The following GABBR2 variants were observed in gnomAD, a reference collection of about 807,000 sequenced individuals.
The protein encoded by GABBR2 is gamma-aminobutyric acid type B receptor subunit 2, also known as G-protein coupled receptor 51.
Under a neutral mutation model 105.6 loss-of-function variants are expected in GABBR2, and 23 were observed. The observed-to-expected ratio is 0.22, with a 90% CI of 0.16 to 0.31. GABBR2 has a LOEUF of 0.31. Among genes scored for constraint, GABBR2 ranks in the 10% least tolerant of loss-of-function variants. The pLI is 1.00. For synonymous variants in GABBR2, 478 were observed against 499.7 expected, an observed-to-expected ratio of 0.96 and a Z score of 0.58; for missense variants, 734 against 1,245.5, an observed-to-expected ratio of 0.59 and a Z score of 6.18.
At chr9:98,652,929 A>G (rs975524985) in intron 1 of GABBR2, among the ~76,000 whole-genome samples, 1 of 152,228 alleles carries the variant, frequency 6.6e-6, no homozygotes, top group African/African-American at 2.4e-5. Flanking sequence ...CCCCATCTCC[A>G]GAGATACTGA....
At chr9:98,667,141 C>T (rs1408921373) in intron 1 of GABBR2, among the ~76,000 whole-genome samples, 1 of 152,166 alleles carries the variant, frequency 6.6e-6, no homozygotes, top group African/African-American at 2.4e-5. Context: ...AGCAGAGATG[C>T]TGGGGAATAT....
At chr9:98,587,268 C>G (rs983182639) in intron 1 of GABBR2, among the ~76,000 whole-genome samples, 1 of 152,158 alleles carries the variant, frequency 6.6e-6, no homozygotes, top group African/African-American at 2.4e-5. Flanking sequence ...GCACTCCCAG[C>G]CACAATGCCA....
At position 98,541,913 on chromosome 9, in the gene GABBR2, C is replaced by T. The variant is rs1214384447; in HGVS notation, c.590G>A (p.Arg197His). 3 of 1,614,118 alleles carry T rather than the reference C, an allele frequency of 1.9e-6. No homozygotes were observed. Among genetic ancestry groups the T allele is most frequent in the Non-Finnish European group, 2.5e-6 (3 of 1,180,022 alleles). ...LKLLKHYQWK[R>H]VGTLTQDVQR... The stretch of plus-strand genomic sequence containing the variant: ...AACGTCTTGCGTCAGCGTGCCCACG[C>T]GCTTCCACTGGTAGTGCTTGAGCAA... Residue 197 changes from arginine to histidine, a missense_variant, in exon 3 of 19, where the codon CGC becomes CAC. Around this residue, in one of 7 missense-constraint regions of GABBR2, gnomAD observed 370 missense variants for 648.9 expected, o/e 0.57. Coordinates refer to ENST00000259455, the MANE Select transcript of GABBR2 (RefSeq NM_005458.8).
rs115512883 is a variant in GABBR2 at position 98,579,423 on chromosome 9, C to T, written c.322-1351G>A. Among the ~76,000 whole-genome samples the T allele has an allele frequency of 2.0e-3, 304 of 152,276 alleles. 3 individuals carry two copies. The highest frequency in any genetic ancestry group is 6.8e-3 in the African/African-American group (283 of 41,544). On this transcript the variant is annotated intron_variant, in intron 1 of 18. Coordinates refer to ENST00000259455, the MANE Select transcript of GABBR2 (RefSeq NM_005458.8). ...TCCATCCCCACCTCCCTCAGTCAAA[C>T]CCTGTGGTCATCTCTCCCCTGGACA...
chr9:98,477,628 G>A (rs951746487), intron 5 of GABBR2, among the ~76,000 whole-genome samples: 2 of 152,096 alleles, frequency 1.3e-5, no homozygotes, highest in African/African-American at 4.8e-5. Flanking sequence ...GAGTTCACAC[G>A]GTTCAGCCCC....
chr9:98,374,779 GC>G (rs2131467906), intron 11 of GABBR2, among the ~76,000 whole-genome samples: 1 of 152,256 alleles, frequency 6.6e-6, no homozygotes, highest in Non-Finnish European at 1.5e-5. Context: ...CCTGGACTTT[GC>G]CTCCCCACGT....
At chr9:98,412,346 C>T (rs1036736172) in intron 7 of GABBR2, among the ~76,000 whole-genome samples, 6 of 152,206 alleles carry the variant, frequency 3.9e-5, no homozygotes, top group Non-Finnish European at 8.8e-5. Flanking sequence ...GATTTTCTTC[C>T]TAAATATGAC....
intron 17 of GABBR2, among the ~76,000 whole-genome samples, chr9:98,298,718 A>C (rs1830421175): frequency 2.0e-5 from 3 of 152,172 alleles, no homozygotes; most frequent in Admixed American, 1.3e-4. Flanking sequence ...TTGGCCTCCC[A>C]AAATGCTGGG....
intron 5 of GABBR2, among the ~76,000 whole-genome samples, chr9:98,473,564 C>T (rs530950166): frequency 1.3e-5 from 2 of 152,140 alleles, no homozygotes; most frequent in South Asian, 4.1e-4. Flanking sequence ...AAAATTAAAA[C>T]ATAAGGGCCC....
intron 6 of GABBR2, among the ~76,000 whole-genome samples, chr9:98,463,494 A>T (rs905664939): frequency 1.3e-5 from 2 of 152,058 alleles, no homozygotes; most frequent in Non-Finnish European, 2.9e-5. Context: ...AGTTATCAAG[A>T]CTTATTATAA....
At chr9:98,526,552 C>T (rs1477484227) in intron 3 of GABBR2, among the ~76,000 whole-genome samples, 1 of 152,200 alleles carries the variant, frequency 6.6e-6, no homozygotes, top group Non-Finnish European at 1.5e-5. Flanking sequence ...CTCCCTAGCA[C>T]TTGTTATCAT....
intron 8 of GABBR2, among the ~76,000 whole-genome samples, chr9:98,396,092 G>A (rs1312076822): frequency 6.6e-6 from 1 of 152,182 alleles, no homozygotes; most frequent in Non-Finnish European, 1.5e-5. Context: ...CATAGCCCAT[G>A]CTCTTCCCTG....
rs1204330545 is a variant in GABBR2, at chr9:98,290,281, T to G, written c.*303A>C. 24 of 154,872 alleles carry G rather than the reference T, an allele frequency of 1.5e-4. No individual in the cohort carries two copies. Among genetic ancestry groups the G allele is most frequent in the Admixed American group, 3.4e-4 (5 of 14,810 alleles). 9.6% of individuals were successfully genotyped at this position (154,872 alleles called of 1,614,324 possible). On this transcript the variant is annotated 3_prime_UTR_variant, in exon 19 of 19. Coordinates refer to ENST00000259455, the MANE Select transcript of GABBR2 (RefSeq NM_005458.8). Reference sequence around the variant, plus strand: ...GTCTAGTTTTTTTGTTTTTTTTTTTTTTTTTTTTTTTTTGCAAGTTTGATA... The same window carrying G: ...GTCTAGTTTTTTTGTTTTTTTTTTTGTTTTTTTTTTTTTGCAAGTTTGATA...
At chr9:98,501,777 A>G (rs1185626402) in intron 3 of GABBR2, among the ~76,000 whole-genome samples, 1 of 152,204 alleles carries the variant, frequency 6.6e-6, no homozygotes, top group Non-Finnish European at 1.5e-5. Context: ...AAGAATGTTA[A>G]TATTTCAACT....
chr9:98,557,541 A>G (rs1394206315), intron 2 of GABBR2, among the ~76,000 whole-genome samples: 1 of 152,182 alleles, frequency 6.6e-6, no homozygotes, highest in African/African-American at 2.4e-5. Flanking sequence ...AAAATCTTGC[A>G]AAGTACTGAG....
At chr9:98,608,157 G>A (rs573716337) in intron 1 of GABBR2, 48 of 1,212,086 alleles carry the variant, frequency 4.0e-5, no homozygotes, top group African/African-American at 3.0e-4. Context: ...CACCAGTTAC[G>A]TATTAGTTGC....
intron 2 of GABBR2, among the ~76,000 whole-genome samples, chr9:98,564,777 G>T (rs1413957076): frequency 1.3e-5 from 2 of 152,192 alleles, no homozygotes; most frequent in Non-Finnish European, 2.9e-5. Flanking sequence ...GGGCCTGAAG[G>T]AGTTGTTTGG....
intron 7 of GABBR2, among the ~76,000 whole-genome samples, chr9:98,415,685 A>G (rs1832678439): frequency 6.6e-6 from 1 of 152,182 alleles, no homozygotes; most frequent in Non-Finnish European, 1.5e-5. Context: ...TAGATATTCA[A>G]CAACACCCTC....
At chr9:98,334,516 A>C (rs149766026) in intron 13 of GABBR2, among the ~76,000 whole-genome samples, 9 of 152,320 alleles carry the variant, frequency 5.9e-5, no homozygotes, top group Non-Finnish European at 1.2e-4. Context: ...GTGCTTTGTG[A>C]ACTTTGCCAT....
Sources: allele counts gnomAD v4.1 joint callset (sites outside exome capture counted in the v4.1 genomes callset), GRCh38; gene constraint gnomAD v4.1.1; regional missense constraint gnomAD v4.1.1; transcripts MANE v1.5; gene names NCBI Gene and HGNC (gene_info 2026-07-23, HGNC 2026-07-21).